SYNE1: variants seen among roughly 807,000 people sequenced by gnomAD.
The protein encoded by SYNE1 is spectrin repeat containing nuclear envelope protein 1.
In SYNE1, 616 loss-of-function variants were observed where a neutral mutation model predicts 1,111.0. That is an observed-to-expected ratio of 0.55 (90% CI 0.52 to 0.59). The LOEUF is 0.59. SYNE1 is among the 20% of genes least tolerant of loss of function. The pLI is 0.00. For synonymous variants in SYNE1, 3,855 were observed against 3,825.8 expected (o/e 1.01, Z -0.28); for missense variants, 10,006 against 10,417.0 (o/e 0.96, Z 1.72).
chr6:152,622,354 T>C (rs558453120), intron 3 of SYNE1, among the ~76,000 whole-genome samples: 1 of 152,286 alleles, frequency 6.6e-6, no homozygotes, highest in South Asian at 2.1e-4. Context: ...TTGTATGGAT[T>C]ATTTCATCAT....
In SYNE1 at chr6:152,206,249, T is replaced by C; in HGVS notation, c.22938A>G (p.Glu7646=). ...TCCATTTCTCTTGGATTTCAGCGAG[T>C]TCGGCCTGCAAGGCGGCCTCAGCGC... ...DSGAEAALQA[E]LAEIQEKWKS... Residue 7646 remains glutamate, a synonymous_variant, in exon 126 of 146, where the codon GAA becomes GAG. Coordinates refer to ENST00000367255, the MANE Select transcript of SYNE1 (RefSeq NM_182961.4). The C allele has an allele frequency of 1.2e-6, 2 of 1,613,890 alleles. No individual in the cohort carries two copies. Among genetic ancestry groups the C allele is most frequent in the Non-Finnish European group, 1.7e-6 (2 of 1,180,024 alleles).
chr6:152,511,878 G>A (rs1422755674), intron 6 of SYNE1, among the ~76,000 whole-genome samples: 1 of 152,146 alleles, frequency 6.6e-6, no homozygotes, highest in Non-Finnish European at 1.5e-5. Flanking sequence ...CCACTACAAA[G>A]TTGTTTGCTA....
chr6:152,220,719 G>C, intron 119 of SYNE1, 123 bp downstream of exon 119: 1 of 890,802 alleles, frequency 1.1e-6, no homozygotes, highest in Non-Finnish European at 1.9e-6. Flanking sequence ...TTGATCCTAA[G>C]ACAGTTATTT....
At chr6:152,590,823 G>A (rs1446813071) in intron 3 of SYNE1, among the ~76,000 whole-genome samples, 4 of 152,070 alleles carry the variant, frequency 2.6e-5, no homozygotes, top group Admixed American at 6.6e-5. Context: ...AAAATATCAA[G>A]TTCTGGCTTT....
intron 128 of SYNE1, among the ~76,000 whole-genome samples, chr6:152,186,759 A>T (rs1240211648): frequency 6.6e-6 from 1 of 152,044 alleles, no homozygotes; most frequent in Non-Finnish European, 1.5e-5. Context: ...AGCTAAAGCA[A>T]TAGATCTGGT....
chr6:152,311,698 G>A (rs774934083), intron 87 of SYNE1, among the ~76,000 whole-genome samples: 20 of 152,172 alleles, frequency 1.3e-4, no homozygotes, highest in Non-Finnish European at 2.5e-4. Context: ...CGTGAATCTA[G>A]AACACACAGT....
chr6:152,567,303 T>C (rs1340243578), intron 3 of SYNE1, among the ~76,000 whole-genome samples: 1 of 151,896 alleles, frequency 6.6e-6, no homozygotes, highest in Non-Finnish European at 1.5e-5. Context: ...GATGGATGAA[T>C]GCTAAGCATA....
chr6:152,452,989 G>T (rs966681713), intron 25 of SYNE1, among the ~76,000 whole-genome samples: 1 of 152,104 alleles, frequency 6.6e-6, no homozygotes, highest in Non-Finnish European at 1.5e-5. Context: ...TTTCCAAGTG[G>T]TTCCACCTCC....
At chr6:152,620,067 A>G (rs1210497285) in intron 3 of SYNE1, among the ~76,000 whole-genome samples, 1 of 152,226 alleles carries the variant, frequency 6.6e-6, no homozygotes, top group Non-Finnish European at 1.5e-5. Context: ...TGATATTTAT[A>G]TATAAAATGC....
At chr6:152,374,494 C>T (rs139330047) in intron 58 of SYNE1, among the ~76,000 whole-genome samples, 1 of 152,264 alleles carries the variant, frequency 6.6e-6, no homozygotes, top group East Asian at 1.9e-4. Flanking sequence ...ACAGTACTAG[C>T]CATGTGTGGT....
rs562563069 is a variant in SYNE1, at chr6:152,488,710, C to T, written c.940-207G>A. Among the ~76,000 whole-genome samples, 30 of 142,196 alleles carry T rather than the reference C, an allele frequency of 2.1e-4. No homozygotes were observed. In the South Asian group the frequency reaches 5.6e-3, roughly 26 times the overall value. 93.3% of individuals were successfully genotyped at this position (142,196 alleles called of 152,430 possible). A position where few individuals can be genotyped will look rare whatever the true frequency, so the allele number is the denominator to read the frequency against. Reference sequence around the variant, plus strand: ...GTATCTTAGTTATCTTATTGAATAACGAAATTAACCAACTCCATTTTTTTT... The same window carrying T: ...GTATCTTAGTTATCTTATTGAATAATGAAATTAACCAACTCCATTTTTTTT... On this transcript the variant is annotated intron_variant, in intron 11 of 145. Transcript: ENST00000367255.
intron 130 of SYNE1, among the ~76,000 whole-genome samples, chr6:152,165,070 G>A (rs185731101): frequency 4.6e-4 from 55 of 118,504 alleles, no homozygotes; most frequent in Middle Eastern, 4.0e-3. Context: ...TCAGATATTC[G>A]CGCCCCCTCC....
intron 75 of SYNE1, among the ~76,000 whole-genome samples, chr6:152,338,105 G>A (rs954672270): frequency 4.6e-5 from 7 of 152,014 alleles, no homozygotes; most frequent in Middle Eastern, 3.4e-3. Context: ...CCAAAATTGC[G>A]CCACTGTGCT....
chr6:152,430,470 A>T lies in SYNE1; in HGVS notation c.4689+12T>A. The stretch of plus-strand genomic sequence containing the variant: ...AATATGTAAACTTAAGTATAGGTGG[A>T]TCAATTCTTACCTTTCTAAGGTTCT... On this transcript the variant is annotated intron_variant, in intron 35 of 145. Transcript: ENST00000367255. 6.2e-7 allele frequency: 1 copy of T among 1,608,366 alleles called. No homozygotes were observed. The highest frequency in any genetic ancestry group is 8.5e-7 in the Non-Finnish European group (1 of 1,174,836).
intron 22 of SYNE1, among the ~76,000 whole-genome samples, chr6:152,457,999 T>A (rs2098707195): frequency 6.6e-6 from 1 of 151,190 alleles, no homozygotes. Context: ...TTATATATAT[T>A]TATCTTTTAG....
At chr6:152,208,563 A>G (rs965538876) in intron 124 of SYNE1, among the ~76,000 whole-genome samples, 1 of 152,230 alleles carries the variant, frequency 6.6e-6, no homozygotes, top group African/African-American at 2.4e-5. Context: ...CCATAGCAAC[A>G]TGTGCAGCTC....
chr6:152,495,247 A>C (rs2098992974), intron 11 of SYNE1, among the ~76,000 whole-genome samples: 1 of 152,160 alleles, frequency 6.6e-6, no homozygotes, highest in African/African-American at 2.4e-5. Flanking sequence ...CAGGAAACTA[A>C]AATACCTCTT....
intron 2 of SYNE1, among the ~76,000 whole-genome samples, chr6:152,629,522 C>CGGGGGGGGGGGGAG (rs2099693514): frequency 1.6e-4 from 1 of 6,138 alleles, no homozygotes; most frequent in Non-Finnish European, 2.7e-4. Flanking sequence ...GTTTCATTGC[C>CGGGGGGGGGGGGAG]GGGGGGGGGG....
intron 22 of SYNE1, among the ~76,000 whole-genome samples, chr6:152,458,186 T>C (rs939678433): frequency 6.6e-6 from 1 of 152,160 alleles, no homozygotes; most frequent in Non-Finnish European, 1.5e-5. Flanking sequence ...GCAGGAACTC[T>C]AAGAAAAGTA....
Sources: gnomAD v4.1 joint callset for allele counts (sites outside exome capture counted in the v4.1 genomes callset) on GRCh38, gnomAD v4.1.1 for gene constraint, MANE v1.5 for transcripts, NCBI Gene and HGNC (gene_info 2026-07-23, HGNC 2026-07-21) for gene names.